ZNF536: variants seen among roughly 807,000 people sequenced by gnomAD.
ZNF536 encodes zinc finger protein 536.
In ZNF536, 13 loss-of-function variants were observed where a neutral mutation model predicts 84.5. The ratio of observed to expected loss-of-function variants is 0.15; its 90% CI spans 0.10 to 0.24. ZNF536 has a LOEUF of 0.24. Ranked by LOEUF, ZNF536 falls within the 10% of genes least tolerant of loss-of-function variation. The probability of loss-of-function intolerance (pLI) is 1.00; values close to 1 mark genes in which losing one functional copy is unlikely to be tolerated. For synonymous variants in ZNF536, 811 were observed against 742.5 expected (o/e 1.09, Z -1.50); for missense variants, 1,536 against 1,747.5 (o/e 0.88, Z 2.16).
At chr19:30,335,317 C>T (rs2047346070) in intron 2 of ZNF536, among the ~76,000 whole-genome samples, 2 of 152,246 alleles carry the variant, frequency 1.3e-5, no homozygotes, top group South Asian at 2.1e-4. Context: ...ATAAAATAAC[C>T]GTGCATATGA....
At chr19:30,317,116 G>A (rs2046704827) in intron 2 of ZNF536, among the ~76,000 whole-genome samples, 2 of 152,224 alleles carry the variant, frequency 1.3e-5, no homozygotes, top group Admixed American at 6.5e-5. Context: ...AATTGAAAAT[G>A]TAGGTTAAAA....
At chr19:30,526,174 T>G (rs994803357) in intron 2 of ZNF536, among the ~76,000 whole-genome samples, 1 of 152,164 alleles carries the variant, frequency 6.6e-6, no homozygotes, top group Non-Finnish European at 1.5e-5. Context: ...ATGTCACACC[T>G]GATGTCTTGT....
chr19:30,470,009 AC>A (rs1437963017), intron 2 of ZNF536, among the ~76,000 whole-genome samples: 1 of 152,198 alleles, frequency 6.6e-6, no homozygotes, highest in African/African-American at 2.4e-5. Flanking sequence ...TAACCAAAAA[AC>A]AAAGTGTACG....
intron 1 of ZNF536, among the ~76,000 whole-genome samples, chr19:30,437,732 G>A (rs2051818921): frequency 6.6e-6 from 1 of 152,156 alleles, no homozygotes; most frequent in Non-Finnish European, 1.5e-5. Context: ...TTTCTACATT[G>A]GGGGGATGAT....
intron 2 of ZNF536, among the ~76,000 whole-genome samples, chr19:30,451,038 T>A (rs559414648): frequency 9.8e-5 from 15 of 152,362 alleles, no homozygotes; most frequent in African/African-American, 3.6e-4. Context: ...TCGGCTCGTG[T>A]GTGCCGAAGC....
chr19:30,672,713 A>C (rs1038656014), intron 1 of ZNF536, among the ~76,000 whole-genome samples: 1 of 152,200 alleles, frequency 6.6e-6, no homozygotes, highest in African/African-American at 2.4e-5. Flanking sequence ...CTTTGCTTGG[A>C]ATCTTCCAGA....
intron 3 of ZNF536, among the ~76,000 whole-genome samples, chr19:30,354,839 T>C (rs1424280812): frequency 6.6e-6 from 1 of 152,206 alleles, no homozygotes; most frequent in Non-Finnish European, 1.5e-5. Flanking sequence ...CACAGGCTTC[T>C]TGGGCCCTGA....
intron 3 of ZNF536, among the ~76,000 whole-genome samples, chr19:30,544,325 G>A (rs980053188): frequency 3.3e-5 from 5 of 152,160 alleles, no homozygotes; most frequent in Non-Finnish European, 5.9e-5. Context: ...TGCATAGCAC[G>A]TGCATTCAGA....
intron 2 of ZNF536, among the ~76,000 whole-genome samples, chr19:30,524,249 A>G (rs2044484732): frequency 6.6e-6 from 1 of 152,338 alleles, no homozygotes; most frequent in East Asian, 1.9e-4. Flanking sequence ...ACACTTTTAT[A>G]AAAGAGTATG....
intron 1 of ZNF536, among the ~76,000 whole-genome samples, chr19:30,278,087 G>A (rs1028444989): frequency 1.3e-5 from 2 of 152,158 alleles, no homozygotes; most frequent in African/African-American, 2.4e-5. Flanking sequence ...ATATGGCGTG[G>A]CCAACAGGGC....
intron 1 of ZNF536, among the ~76,000 whole-genome samples, chr19:30,644,316 G>T (rs2049379662): frequency 6.6e-6 from 1 of 151,842 alleles, no homozygotes; most frequent in Non-Finnish European, 1.5e-5. Context: ...TTTAAAGTAT[G>T]TACGTCTCCA....
chr19:30,547,824 CTCT>C, intron 3 of ZNF536, 116 bp from the exon 4 acceptor site: 1 of 1,146,440 alleles, frequency 8.7e-7, no homozygotes, highest in Non-Finnish European at 1.2e-6. Context: ...AACAGTTGTT[CTCT>C]AATTATTAGT....
intron 2 of ZNF536, among the ~76,000 whole-genome samples, chr19:30,505,143 C>A (rs141043115): frequency 1.3e-5 from 2 of 151,272 alleles, no homozygotes; most frequent in African/African-American, 2.4e-5. Flanking sequence ...TGTCAAAAGC[C>A]CCCCAAATAA....
intron 1 of ZNF536, among the ~76,000 whole-genome samples, chr19:30,695,435 T>C (rs771938674): frequency 1.3e-5 from 2 of 152,138 alleles, no homozygotes; most frequent in Admixed American, 6.5e-5. Flanking sequence ...AGAACATAAT[T>C]AAGTGCCTAA....
intron 2 of ZNF536, among the ~76,000 whole-genome samples, chr19:30,510,984 T>C (rs1199308554): frequency 6.6e-6 from 1 of 152,206 alleles, no homozygotes; most frequent in African/African-American, 2.4e-5. Context: ...TTTGGCCTCC[T>C]CAGAGGCTGA....
chr19:30,411,041 A>T (rs1338619717), intron 1 of ZNF536, among the ~76,000 whole-genome samples: 1 of 152,222 alleles, frequency 6.6e-6, no homozygotes, highest in Non-Finnish European at 1.5e-5. Context: ...ATAACTACTT[A>T]GGTATTTTCC....
At chr19:30,526,345 C>A (rs1186982154) in intron 2 of ZNF536, among the ~76,000 whole-genome samples, 8 of 152,230 alleles carry the variant, frequency 5.3e-5, no homozygotes, top group African/African-American at 1.9e-4. Context: ...GTTGTCACAG[C>A]AGCATCACAT....
intron 1 of ZNF536, among the ~76,000 whole-genome samples, chr19:30,623,197 G>A (rs1304167688): frequency 6.6e-6 from 1 of 151,982 alleles, no homozygotes; most frequent in Non-Finnish European, 1.5e-5. Flanking sequence ...CAGATAGAAA[G>A]AATAGCCTTT....
chr19:30,535,276 G>A lies in ZNF536; in HGVS notation c.2323+277G>A, dbSNP rs148536972. On this transcript the variant is annotated intron_variant, in intron 3 of 4. Transcript: ENST00000355537. ...TGGGTCGCGTCTGAGCCTCTAGGGC[G>A]TTTTGCTAATGGTTTCCTTCTGCTG... Among the ~76,000 whole-genome samples the A allele has an allele frequency of 2.8e-3, 434 of 152,346 alleles. 1 individual carries two copies. The highest frequency in any genetic ancestry group is 3.8e-3 in the Non-Finnish European group (261 of 68,030).
Sources: allele counts gnomAD v4.1 joint callset (sites outside exome capture counted in the v4.1 genomes callset), GRCh38; gene constraint gnomAD v4.1.1; transcripts MANE v1.5; gene names NCBI Gene and HGNC (gene_info 2026-07-23, HGNC 2026-07-21).